GSDME: variants seen among roughly 807,000 people sequenced by gnomAD.
The protein encoded by GSDME is gasdermin-E.
In GSDME, 44 loss-of-function variants were observed where a neutral mutation model predicts 47.5. The observed-to-expected ratio is 0.93, with a 90% CI of 0.73 to 1.19. The LOEUF is 1.19. Ranked by LOEUF, GSDME falls within the 50% of genes most tolerant of loss-of-function variation. The pLI, the probability that GSDME is intolerant of heterozygous loss-of-function variation, is 0.00. For missense variants in GSDME, 663 were observed against 604.2 expected, an observed-to-expected ratio of 1.10 and a Z score of -1.02; for synonymous variants, 258 against 252.8, an observed-to-expected ratio of 1.02 and a Z score of -0.20.
intron 9 of GSDME, among the ~76,000 whole-genome samples, chr7:24,702,169 T>C (rs1311499639): frequency 6.6e-6 from 1 of 152,258 alleles, no homozygotes; most frequent in Non-Finnish European, 1.5e-5. Context: ...TGTTGGTGGT[T>C]CTTTCTACTA....
chr7:24,719,851 C>T (rs1294329371), intron 3 of GSDME, among the ~76,000 whole-genome samples: 1 of 151,818 alleles, frequency 6.6e-6, no homozygotes. Flanking sequence ...ATCCATGTAC[C>T]TTAGACCCTG....
Position 24,726,801 on chromosome 7 carries a change from G to C in GSDME, c.405-7583C>G, listed in dbSNP as rs112541746. On this transcript the variant is annotated intron_variant, in intron 3 of 9. Coordinates refer to ENST00000645220, the MANE Select transcript of GSDME (RefSeq NM_001127453.2). This position sits in a 1 kb window ranked among gnomAD's most constrained non-coding sequence, Gnocchi z 5.6. ...AGCCCGGGGGACAGAGCGAGACTCCGTCTCAAAAAAAAAAAAAAAAAACCA... is the reference window on the plus strand; with the variant it reads ...AGCCCGGGGGACAGAGCGAGACTCCCTCTCAAAAAAAAAAAAAAAAAACCA... 7.8e-6 allele frequency among the ~76,000 whole-genome samples: 1 copy of C among 128,538 alleles called. No homozygotes were observed. The highest frequency in any genetic ancestry group is 1.6e-5 in the Non-Finnish European group (1 of 61,644). 84.3% of individuals were successfully genotyped at this position (128,538 alleles called of 152,430 possible).
At chr7:24,774,242 C>T in the GSDME span, among the ~76,000 whole-genome samples, 1 of 43,604 alleles carries the variant, frequency 2.3e-5, no homozygotes. Context: ...GTCTGTCTTC[C>T]CTCTCCCTCC....
the GSDME span, among the ~76,000 whole-genome samples, chr7:24,765,549 CAACT>C: frequency 6.6e-6 from 1 of 152,204 alleles, no homozygotes; most frequent in African/African-American, 2.4e-5. Context: ...GTGCCCAAAC[CAACT>C]GTTTCTGTAC....
chr7:24,710,333 G>C lies in GSDME; in HGVS notation c.753C>G (p.Asp251Glu). The stretch of plus-strand genomic sequence containing the variant: ...AGACCAGGGGGTCCAGGTAGACAGA[G>C]TCAATTCTCTTCTTGTTCTCGAAGC... ...QGGFENKKRI[D>E]SVYLDPLVFR... Residue 251 changes from aspartate (D) to glutamate (E), a missense_variant, in exon 6 of 10, where the codon GAC (aspartate) becomes GAG (glutamate). Asp to Glu is a conservative substitution (Grantham distance 45, BLOSUM62 2). Transcript: ENST00000645220. 2.5e-6 allele frequency: 4 copies of C among 1,614,266 alleles called. No individual in the cohort carries two copies. The highest frequency in any genetic ancestry group is 3.4e-6 in the Non-Finnish European group (4 of 1,180,046).
At chr7:24,788,042 T>G in the GSDME span, among the ~76,000 whole-genome samples, 1 of 152,200 alleles carries the variant, frequency 6.6e-6, no homozygotes, top group Non-Finnish European at 1.5e-5. The surrounding 1 kb of genome is among the most constrained non-coding windows in gnomAD (Gnocchi z 4.6). Context: ...ATAATTTGCC[T>G]TTGGTAAAAT....
chr7:24,794,296 T>TC, the GSDME span, among the ~76,000 whole-genome samples: 1 of 76,108 alleles, frequency 1.3e-5, no homozygotes, highest in Non-Finnish European at 2.2e-5. Flanking sequence ...TCTCTCTTTC[T>TC]CTCCTCTCTC....
intron 2 of GSDME, among the ~76,000 whole-genome samples, chr7:24,748,922 T>G (rs889036150): frequency 2.6e-5 from 4 of 152,158 alleles, no homozygotes; most frequent in Non-Finnish European, 5.9e-5. Flanking sequence ...GACAAAAATT[T>G]TCACACCTTC....
chr7:24,754,592 T>C lies in GSDME; in HGVS notation c.-20+2804A>G, dbSNP rs1222378222. Among the ~76,000 whole-genome samples, 1 of 151,528 alleles carries C rather than the reference T, an allele frequency of 6.6e-6. No individual in the cohort carries two copies. Among genetic ancestry groups the C allele is most frequent in the Non-Finnish European group, 1.5e-5 (1 of 67,888 alleles). On this transcript the variant is annotated intron_variant, in intron 1 of 9. Coordinates refer to ENST00000645220, the MANE Select transcript of GSDME (RefSeq NM_001127453.2). The surrounding 1 kb of genome is among the most constrained non-coding windows in gnomAD (Gnocchi z 5.0). Reference sequence around the variant, plus strand: ...CAAAGCAAATGCAGTAAGGATATCCTAGCTTGAGTCAGACTCTTGGACAAG... The same window carrying C: ...CAAAGCAAATGCAGTAAGGATATCCCAGCTTGAGTCAGACTCTTGGACAAG...
chr7:24,713,188 G>C (rs1400849941), intron 5 of GSDME, among the ~76,000 whole-genome samples: 1 of 152,164 alleles, frequency 6.6e-6, no homozygotes, highest in East Asian at 1.9e-4. Flanking sequence ...GCATATGATG[G>C]AAAGGCCATT....
chr7:24,710,698 G>A, intron 5 of GSDME: 1 of 310,966 alleles, frequency 3.2e-6, no homozygotes, highest in Non-Finnish European at 6.1e-6. Flanking sequence ...TGAACAAACT[G>A]ATTCTAAACA....
At chr7:24,720,084 T>C (rs1335284874) in intron 3 of GSDME, among the ~76,000 whole-genome samples, 1 of 152,228 alleles carries the variant, frequency 6.6e-6, no homozygotes, top group Admixed American at 6.5e-5. Context: ...AGGGGTTTGA[T>C]GTCTTTTTAC....
Position 24,705,974 on chromosome 7 carries a change from G to A in GSDME, c.1183+210C>T. 3 of 655,156 alleles carry A rather than the reference G, an allele frequency of 4.6e-6. No homozygotes were observed. The highest frequency in any genetic ancestry group is 3.6e-5 in the South Asian group (2 of 56,330). The allele number at this position is 655,156 out of a possible 1,614,324, so 40.6% of individuals were successfully genotyped here. ...GAAGGGCCCTCCGGGAGAGTAGGGAGGCTTGTGCTGGATGGAAAGGCACAG... is the reference window on the plus strand; with the variant it reads ...GAAGGGCCCTCCGGGAGAGTAGGGAAGCTTGTGCTGGATGGAAAGGCACAG... On this transcript the variant is annotated intron_variant, in intron 8 of 9. Coordinates refer to ENST00000645220, the MANE Select transcript of GSDME (RefSeq NM_001127453.2). This position sits in a 1 kb window ranked among gnomAD's most constrained non-coding sequence, Gnocchi z 4.1.
chr7:24,770,801 A>G, the GSDME span, among the ~76,000 whole-genome samples: 1 of 152,198 alleles, frequency 6.6e-6, no homozygotes, highest in Admixed American at 6.6e-5. This position sits in a 1 kb window ranked among gnomAD's most constrained non-coding sequence, Gnocchi z 4.6. Flanking sequence ...ACCACTGAGA[A>G]AAGAAGAAAT....
rs2128065812 is a variant in GSDME at position 24,749,613 on chromosome 7, T to A, written c.162A>T (p.Leu54Phe). ...TGAGTACATCGCCAAGGGTGAGGGA[T>A]AAAAACTGGTACTTGGGTCTCTGCC... ...WCWQRPKYQF[L>F]SLTLGDVLIE... Residue 54 changes from leucine to phenylalanine, a missense_variant, in exon 2 of 10, where the codon TTA becomes TTT. By Grantham distance (22) the Leu-to-Phe change is conservative. Transcript: ENST00000645220. 6.2e-7 allele frequency: 1 copy of A among 1,613,934 alleles called. No homozygotes were observed. Among genetic ancestry groups the A allele is most frequent in the East Asian group, 2.2e-5 (1 of 44,872 alleles).
At chr7:24,702,138 C>T (rs1013322835) in intron 9 of GSDME, among the ~76,000 whole-genome samples, 2 of 152,258 alleles carry the variant, frequency 1.3e-5, no homozygotes, top group Admixed American at 6.5e-5. Flanking sequence ...GCTGCCCCAT[C>T]AGGGTGGCTT....
At chr7:24,717,431 T>C (rs1347529503) in intron 4 of GSDME, 57 bp from the exon 5 acceptor site, 2 of 1,612,890 alleles carry the variant, frequency 1.2e-6, no homozygotes, top group Admixed American at 1.7e-5. Flanking sequence ...AGCTGCTCTG[T>C]TCCCCACTGC....
At chr7:24,794,899 T>C in the GSDME span, among the ~76,000 whole-genome samples, 1 of 152,166 alleles carries the variant, frequency 6.6e-6, no homozygotes, top group Non-Finnish European at 1.5e-5. Flanking sequence ...TCAAGCAATT[T>C]GAGCCAAGTC....
chr7:24,725,260 C>CATT lies in GSDME; in HGVS notation c.405-6045_405-6043dup, dbSNP rs1250280468. ...GAGGGTTACGTTCAGTGAGATCTTG[C>CATT]ATTAAATGACCCACACTCTACCCAG... On this transcript the variant is annotated intron_variant, in intron 3 of 9. Coordinates refer to ENST00000645220, the MANE Select transcript of GSDME (RefSeq NM_001127453.2). This position sits in a 1 kb window ranked among gnomAD's most constrained non-coding sequence, Gnocchi z 5.1. Among the ~76,000 whole-genome samples the CATT allele has an allele frequency of 6.6e-6, 1 of 152,162 alleles. No individual in the cohort carries two copies. Among genetic ancestry groups the CATT allele is most frequent in the East Asian group, 1.9e-4 (1 of 5,194 alleles).
Sources: allele counts gnomAD v4.1 joint callset (sites outside exome capture counted in the v4.1 genomes callset), GRCh38; gene constraint gnomAD v4.1.1; non-coding constraint Gnocchi (gnomAD v3.1); transcripts MANE v1.5; gene names NCBI Gene and HGNC (gene_info 2026-07-23, HGNC 2026-07-21).